CASD1: variants seen among roughly 807,000 people sequenced by gnomAD.
The protein encoded by CASD1 is N-acetylneuraminate (7)9-O-acetyltransferase.
Under a neutral mutation model 100.0 loss-of-function variants are expected in CASD1, and 41 were observed. The observed-to-expected ratio is 0.41, with a 90% CI of 0.32 to 0.53. The LOEUF is 0.53. CASD1 is among the 20% of genes least tolerant of loss of function. The probability of loss-of-function intolerance (pLI) is 0.25; values close to 1 mark genes in which losing one functional copy is unlikely to be tolerated. For synonymous variants in CASD1, 321 were observed against 315.6 expected, an observed-to-expected ratio of 1.02 and a Z score of -0.18; for missense variants, 774 against 948.7, an observed-to-expected ratio of 0.82 and a Z score of 2.42.
At chr7:94,614,106 TCAAAAAA>T in the CASD1 span, among the ~76,000 whole-genome samples, 5 of 55,170 alleles carry the variant, frequency 9.1e-5, no homozygotes, top group Non-Finnish European at 1.7e-4. Context: ...CAAATTGAAA[TCAAAAAA>T]AAAAAAAAAA....
intron 16 of CASD1, chr7:94,553,072 A>C (rs1796028006): frequency 5.3e-6 from 2 of 378,248 alleles, no homozygotes; most frequent in African/African-American, 4.3e-5. Flanking sequence ...CTTATGCAAT[A>C]CTTTAATTAT....
At chr7:94,533,591 T>G in intron 6 of CASD1, 88 bp from the exon 7 acceptor site, 1 of 959,574 alleles carries the variant, frequency 1.0e-6, no homozygotes, top group Non-Finnish European at 1.5e-6. Flanking sequence ...ATATCTAAAA[T>G]AATAACACTT....
At chr7:94,597,480 C>A in the CASD1 span, 1 of 152,042 alleles carries the variant, frequency 6.6e-6, no homozygotes, top group Middle Eastern at 3.4e-3. Context: ...AAAAATGTAC[C>A]CAGCAGAGTT....
chr7:94,585,229 C>T, the CASD1 span: 39 of 404,050 alleles, frequency 9.7e-5, no homozygotes, highest in East Asian at 1.3e-3. Flanking sequence ...AGTCATTAGG[C>T]TTCATTAATA....
rs1406358230 is a variant in CASD1 at position 94,533,239 on chromosome 7, G to C, written c.494G>C (p.Gly165Ala). The C allele has an allele frequency of 3.7e-6, 6 of 1,609,318 alleles. No homozygotes were observed. The highest frequency in any genetic ancestry group is 1.3e-5 in the African/African-American group (1 of 74,838). Residue 165 changes from glycine to alanine, a missense_variant, in exon 6 of 18, where the codon GGA becomes GCA. Coordinates refer to ENST00000297273, the MANE Select transcript of CASD1 (RefSeq NM_022900.5). ...SIAKPHVIVA[G>A]AATWSIKIHN... ...GCAAAGCCACATGTGATTGTAGCAG[G>C]AGCTGCCACAGTAAGTTATCATCTG...
intron 5 of CASD1, among the ~76,000 whole-genome samples, chr7:94,532,951 A>G (rs762628789): frequency 3.3e-5 from 5 of 152,140 alleles, no homozygotes; most frequent in Non-Finnish European, 7.4e-5. Context: ...CTTTTTTTTA[A>G]GAACACCAAA....
chr7:94,618,294 T>C, the CASD1 span: 2 of 163,936 alleles, frequency 1.2e-5, no homozygotes, highest in East Asian at 3.6e-4. Context: ...GGTCAGGCTT[T>C]AGGCCTTTGT....
chr7:94,514,681 TTAAGA>T (rs1208594211), intron 1 of CASD1, among the ~76,000 whole-genome samples: 18 of 152,150 alleles, frequency 1.2e-4, no homozygotes, highest in Non-Finnish European at 2.2e-4. Context: ...ATGCTTATAC[TTAAGA>T]TAAGAGAATA....
At chr7:94,629,837 G>A in the CASD1 span, 1 of 1,610,302 alleles carries the variant, frequency 6.2e-7, no homozygotes, top group Non-Finnish European at 8.5e-7. Context: ...AGAAAATACT[G>A]TACACTGAAA....
chr7:94,587,900 G>T, the CASD1 span: 1 of 1,488,926 alleles, frequency 6.7e-7, no homozygotes, highest in South Asian at 1.4e-5. Context: ...GTTTTTAAGA[G>T]ACTTACTTAA....
At chr7:94,586,077 A>AAC in the CASD1 span, among the ~76,000 whole-genome samples, 5 of 150,456 alleles carry the variant, frequency 3.3e-5, no homozygotes, top group Middle Eastern at 3.5e-3. Flanking sequence ...AAAAAAAAAA[A>AAC]AAAAAAAAAA....
the CASD1 span, among the ~76,000 whole-genome samples, chr7:94,571,696 T>G: frequency 6.6e-6 from 1 of 152,074 alleles, no homozygotes; most frequent in African/African-American, 2.4e-5. Context: ...ATATGCCTGG[T>G]TTGCTTACAG....
At chr7:94,525,196 G>A (rs1044529050) in intron 3 of CASD1, among the ~76,000 whole-genome samples, 35 of 152,196 alleles carry the variant, frequency 2.3e-4, no homozygotes, top group Admixed American at 1.3e-4. Flanking sequence ...AAGGTTTTGG[G>A]CGTTCGTTTA....
At chr7:94,581,914 T>C in the CASD1 span, among the ~76,000 whole-genome samples, 1 of 152,212 alleles carries the variant, frequency 6.6e-6, no homozygotes, top group East Asian at 1.9e-4. Context: ...CTGGGTTGAA[T>C]GGTATTTCTG....
the CASD1 span, among the ~76,000 whole-genome samples, chr7:94,623,128 G>A: frequency 1.3e-5 from 2 of 151,972 alleles, no homozygotes; most frequent in Non-Finnish European, 2.9e-5. Context: ...TCCTATCTGA[G>A]TTTTCACCAT....
intron 8 of CASD1, among the ~76,000 whole-genome samples, chr7:94,536,638 G>A (rs1795135916): frequency 6.6e-6 from 1 of 152,110 alleles, no homozygotes; most frequent in Admixed American, 6.6e-5. Context: ...AGAGTGCCAG[G>A]CATAAAACCA....
rs972084890 is a variant in CASD1, at chr7:94,551,604, A to G, written c.1956+126A>G. The G allele has an allele frequency of 8.2e-6, 3 of 366,372 alleles. No individual in the cohort carries two copies. The South Asian group carries it at 3.6e-4, about 44-fold the overall frequency. The allele number at this position is 366,372 out of a possible 1,614,324, so 22.7% of individuals were successfully genotyped here. A position where few individuals can be genotyped will look rare whatever the true frequency, so the allele number is the denominator to read the frequency against. On this transcript the variant is annotated intron_variant, in intron 15 of 17. Transcript: ENST00000297273. ...CCTTATTTTTCTTTTTAATATTTAGAAATTTTAATACTTCTCTCCCAGTAA... is the reference window on the plus strand; with the variant it reads ...CCTTATTTTTCTTTTTAATATTTAGGAATTTTAATACTTCTCTCCCAGTAA...
intron 1 of CASD1, among the ~76,000 whole-genome samples, chr7:94,513,419 G>A (rs928687769): frequency 6.6e-6 from 1 of 150,418 alleles, no homozygotes; most frequent in Non-Finnish European, 1.5e-5. Context: ...CCTACTTTTT[G>A]TTACCTATGT....
At chr7:94,612,804 T>C in the CASD1 span, among the ~76,000 whole-genome samples, 1 of 152,172 alleles carries the variant, frequency 6.6e-6, no homozygotes, top group African/African-American at 2.4e-5. Context: ...TCCTTCTATC[T>C]TCTTCTCTCT....
Sources: allele counts gnomAD v4.1 joint callset (sites outside exome capture counted in the v4.1 genomes callset), GRCh38; gene constraint gnomAD v4.1.1; transcripts MANE v1.5; gene names NCBI Gene and HGNC (gene_info 2026-07-23, HGNC 2026-07-21).